Variants in MLLT6 observed in about 807,000 individuals in gnomAD.
The protein encoded by MLLT6 is protein AF-17.
A neutral mutation model predicts 103.0 loss-of-function variants in MLLT6; 22 were observed. The ratio of observed to expected loss-of-function variants is 0.21; its 90% CI spans 0.15 to 0.31. The LOEUF (loss-of-function observed/expected upper bound fraction) is 0.31. Ranked by LOEUF, MLLT6 falls within the 10% of genes least tolerant of loss-of-function variation. MLLT6 has a pLI of 1.00. For missense variants in MLLT6, 1,199 were observed against 1,441.7 expected, an observed-to-expected ratio of 0.83 and a Z score of 2.73; for synonymous variants, 606 against 623.5, an observed-to-expected ratio of 0.97 and a Z score of 0.42.
chr17:38,708,673 A>G (rs1286979500), intron 4 of MLLT6, among the ~76,000 whole-genome samples: 1 of 152,200 alleles, frequency 6.6e-6, no homozygotes, highest in Non-Finnish European at 1.5e-5. Flanking sequence ...AGGGGGGTGG[A>G]TCACCTAAGG....
At chr17:38,715,047 C>A (rs144442481) in intron 8 of MLLT6, among the ~76,000 whole-genome samples, 8 of 152,248 alleles carry the variant, frequency 5.3e-5, no homozygotes, top group African/African-American at 1.9e-4. Context: ...AGAGATTTCC[C>A]AGGAAGAGTA....
At chr17:38,721,022 G>A in intron 16 of MLLT6, 1 of 546,022 alleles carries the variant, frequency 1.8e-6, no homozygotes, top group Non-Finnish European at 3.3e-6. Context: ...TGGGAGATAT[G>A]TTAGTGTGGA....
At chr17:38,717,056 T>G in intron 10 of MLLT6, 75 bp downstream of exon 10, 1 of 1,574,916 alleles carries the variant, frequency 6.3e-7, no homozygotes, top group Non-Finnish European at 8.6e-7. Context: ...ACACATGCAC[T>G]TAGAAGGAAA....
In MLLT6 at chr17:38,716,169, C is replaced by T; in HGVS notation, c.1037-198C>T. 1.6e-6 allele frequency: 1 copy of T among 619,132 alleles called. No homozygotes were observed. The highest frequency in any genetic ancestry group is 2.1e-5 in the South Asian group (1 of 48,070). The allele number at this position is 619,132 out of a possible 1,614,324, so 38.4% of individuals were successfully genotyped here. A position where few individuals can be genotyped will look rare whatever the true frequency, so the allele number is the denominator to read the frequency against. On this transcript the variant is annotated intron_variant, in intron 9 of 19. Coordinates refer to ENST00000621332, the MANE Select transcript of MLLT6 (RefSeq NM_005937.4). This position sits in a 1 kb window ranked among gnomAD's most constrained non-coding sequence, Gnocchi z 5.6. The stretch of plus-strand genomic sequence containing the variant: ...TGAGGCCAGTAGGGTGCGAGTTACT[C>T]TCCCCCATTTTATTACAGGTGGGAA...
Position 38,722,708 on chromosome 17 carries a change from G to T in MLLT6, c.2823G>T (p.Gln941His). 2 of 1,584,746 alleles carry T rather than the reference G, an allele frequency of 1.3e-6. No individual in the cohort carries two copies. The highest frequency in any genetic ancestry group is 1.7e-6 in the Non-Finnish European group (2 of 1,172,294). ...CAGAGCAGCAGAGACATCTCCTTCA[G>T]CAGCAAGAGCAGCAGCTCCAGCAAC... ...SLTEQQRHLL[Q>H]QQEQQLQQLQ... Residue 941 changes from glutamine to histidine, a missense_variant, in exon 18 of 20, where the codon CAG becomes CAT. By Grantham distance (24) the Gln-to-His change is conservative (BLOSUM62 0). Coordinates refer to ENST00000621332, the MANE Select transcript of MLLT6 (RefSeq NM_005937.4).
intron 14 of MLLT6, 116 bp downstream of exon 14, chr17:38,720,011 A>T: frequency 2.2e-6 from 3 of 1,353,898 alleles, no homozygotes; most frequent in Non-Finnish European, 2.9e-6. Flanking sequence ...CCCAGCCTTG[A>T]CTCTCGGCCA....
Position 38,725,632 on chromosome 17 carries a change from G to C in MLLT6, c.*34G>C, listed in dbSNP as rs750745211. ...TTACCCCTCCTGACCCCCCCAAGTG[G>C]AGGGAACAGATCCTGGCCTGAGGGG... On this transcript the variant is annotated 3_prime_UTR_variant, in exon 20 of 20. Coordinates refer to ENST00000621332, the MANE Select transcript of MLLT6 (RefSeq NM_005937.4). 1.0e-5 allele frequency: 16 copies of C among 1,548,460 alleles called. 1 individual carries two copies. The South Asian group carries it at 1.9e-4, about 18-fold the overall frequency.
chr17:38,711,026 C>T (rs568562928), intron 6 of MLLT6, among the ~76,000 whole-genome samples: 5 of 152,240 alleles, frequency 3.3e-5, no homozygotes, highest in South Asian at 2.1e-4. Flanking sequence ...AGGCGGGCCA[C>T]GAAAGAGGGG....
Position 38,729,393 on chromosome 17 carries a change from T to C in MLLT6, c.*3795T>C, listed in dbSNP as rs1015167576. ...AGAGTGTGTCTAGCTCCCGACCACTTTGTCTTGACCTACTGAAAAGTTGGG... is the reference window on the plus strand; with the variant it reads ...AGAGTGTGTCTAGCTCCCGACCACTCTGTCTTGACCTACTGAAAAGTTGGG... On this transcript the variant is annotated 3_prime_UTR_variant, in exon 20 of 20. Transcript: ENST00000621332. 5.6e-5 allele frequency: 13 copies of C among 233,390 alleles called. No homozygotes were observed. The highest frequency in any genetic ancestry group is 1.0e-4 in the Non-Finnish European group (12 of 118,054). The allele number at this position is 233,390 out of a possible 1,614,324, so 14.5% of individuals were successfully genotyped here.
chr17:38,705,626 T>C lies in MLLT6; in HGVS notation c.-7T>C. The C allele has an allele frequency of 7.9e-7, 1 of 1,269,416 alleles. No homozygotes were observed. The highest frequency in any genetic ancestry group is 1.1e-6 in the Non-Finnish European group (1 of 939,084). 78.6% of individuals were successfully genotyped at this position (1,269,416 alleles called of 1,614,324 possible). A position where few individuals can be genotyped will look rare whatever the true frequency, so the allele number is the denominator to read the frequency against. ...CCGCCCCAGCCCCGGAGGGAGCTCA[T>C]GGGAGTATGAAGGAGATGGTAGGAG... is the stretch of plus-strand genomic sequence containing the variant. On this transcript the variant is annotated 5_prime_UTR_variant, in exon 1 of 20. The change abolishes an upstream ATG in the 5' untranslated region. Coordinates refer to ENST00000621332, the MANE Select transcript of MLLT6 (RefSeq NM_005937.4).
At chr17:38,715,502 TG>T in intron 8 of MLLT6, 109 bp from the exon 9 acceptor site, 7 of 1,434,532 alleles carry the variant, frequency 4.9e-6, no homozygotes, top group Non-Finnish European at 6.4e-6. Context: ...AAACTAGCTG[TG>T]GGCTCTCCCA....
Position 38,705,551 on chromosome 17 carries a change from C to T in MLLT6, c.-82C>T, listed in dbSNP as rs1904864224. The T allele has an allele frequency of 1.8e-6, 1 of 546,202 alleles. No homozygotes were observed. Among genetic ancestry groups the T allele is most frequent in the Non-Finnish European group, 3.1e-6 (1 of 320,708 alleles). The allele number at this position is 546,202 out of a possible 1,614,324, so 33.8% of individuals were successfully genotyped here. A position where few individuals can be genotyped will look rare whatever the true frequency, so the allele number is the denominator to read the frequency against. On this transcript the variant is annotated 5_prime_UTR_variant, in exon 1 of 20. Coordinates refer to ENST00000621332, the MANE Select transcript of MLLT6 (RefSeq NM_005937.4). ...AGGAGGGGGCGAGGAGGCGCGCGGC[C>T]CCCCGCTCCCTCCCTCCCCCCTGAC...
chr17:38,727,794 CAAAAG>C lies in MLLT6; in HGVS notation c.*2198_*2202del, dbSNP rs1906114197. ...TGTGTGAGAGAGTGAGACTCTGTCT[CAAAAG>C]AGAAAAAAAAAGAAAAGTAACCTTC... On this transcript the variant is annotated 3_prime_UTR_variant, in exon 20 of 20. Coordinates refer to ENST00000621332, the MANE Select transcript of MLLT6 (RefSeq NM_005937.4). The C allele has an allele frequency of 4.4e-6, 1 of 226,618 alleles. No homozygotes were observed. The highest frequency in any genetic ancestry group is 8.7e-6 in the Non-Finnish European group (1 of 114,454). 14.0% of individuals were successfully genotyped at this position (226,618 alleles called of 1,614,324 possible).
At chr17:38,717,760 A>C (rs1402708274) in intron 11 of MLLT6, 85 bp from the exon 12 acceptor site, 1 of 1,382,550 alleles carries the variant, frequency 7.2e-7, no homozygotes, top group African/African-American at 1.4e-5. Flanking sequence ...GCTCCCCAGC[A>C]CACCCGGCCC....
At chr17:38,712,877 G>C in intron 8 of MLLT6, 88 bp downstream of exon 8, 1 of 923,286 alleles carries the variant, frequency 1.1e-6, no homozygotes, top group Non-Finnish European at 1.8e-6. Context: ...GTGAGTCAGG[G>C]ACCTGGGCAC....
rs1161516176 is a variant in MLLT6 at position 38,728,275 on chromosome 17, C to T, written c.*2677C>T. ...GAAAGCTTCAGGAGGAGCAGAATAC[C>T]AACGCAGGGGGATGGCTGTAACGAT... On this transcript the variant is annotated 3_prime_UTR_variant, in exon 20 of 20. Coordinates refer to ENST00000621332, the MANE Select transcript of MLLT6 (RefSeq NM_005937.4). 8.6e-6 allele frequency: 2 copies of T among 233,346 alleles called. No individual in the cohort carries two copies. The highest frequency in any genetic ancestry group is 2.2e-5 in the African/African-American group (1 of 45,464). 14.5% of individuals were successfully genotyped at this position (233,346 alleles called of 1,614,324 possible).
At position 38,709,118 on chromosome 17, in the gene MLLT6, C is replaced by A; in HGVS notation, c.355-55C>A. 4 of 1,359,750 alleles carry A rather than the reference C, an allele frequency of 2.9e-6. No individual in the cohort carries two copies. Among genetic ancestry groups the A allele is most frequent in the South Asian group, 2.4e-5 (2 of 83,988 alleles). 84.2% of individuals were successfully genotyped at this position (1,359,750 alleles called of 1,614,324 possible). On this transcript the variant is annotated intron_variant, in intron 4 of 19. Coordinates refer to ENST00000621332, the MANE Select transcript of MLLT6 (RefSeq NM_005937.4). This position sits in a 1 kb window ranked among gnomAD's most constrained non-coding sequence, Gnocchi z 4.3. The stretch of plus-strand genomic sequence containing the variant: ...GGAATGGAGGGGGTGGCCTAAGGAC[C>A]ATCAGTAGAACAGGGGCTCCCTGGA...
chr17:38,722,780 C>T lies in MLLT6; in HGVS notation c.2883+12C>T, dbSNP rs756874771. ...CGCAGCTGACCCCGGTAATGCCCCTCCCTTCCCTGCCTCAGGTGCCCCTTG... is the reference window on the plus strand; with the variant it reads ...CGCAGCTGACCCCGGTAATGCCCCTTCCTTCCCTGCCTCAGGTGCCCCTTG... On this transcript the variant is annotated intron_variant, in intron 18 of 19. Coordinates refer to ENST00000621332, the MANE Select transcript of MLLT6 (RefSeq NM_005937.4). 1.6e-5 allele frequency: 25 copies of T among 1,598,562 alleles called. No individual in the cohort carries two copies. In the Admixed American group the frequency reaches 1.8e-4, roughly 12 times the overall value.
chr17:38,713,992 C>T (rs1905231564), intron 8 of MLLT6: 1 of 152,252 alleles, frequency 6.6e-6, no homozygotes, highest in African/African-American at 2.4e-5. Context: ...AACTGAATAC[C>T]TGGTCGCTAC....
Sources: gnomAD v4.1 joint callset for allele counts (sites outside exome capture counted in the v4.1 genomes callset) on GRCh38, gnomAD v4.1.1 for gene constraint, Gnocchi (gnomAD v3.1) non-coding constraint, MANE v1.5 for transcripts, NCBI Gene and HGNC (gene_info 2026-07-23, HGNC 2026-07-21) for gene names.